Variants in SNX7 observed in about 807,000 individuals in gnomAD.
SNX7 encodes the protein sorting nexin 7, also known as sorting nexin-7.
SNX7 carries 35 observed loss-of-function variants against 48.4 expected under a neutral mutation model. The ratio of observed to expected loss-of-function variants is 0.72; its 90% CI spans 0.55 to 0.96. SNX7 has a LOEUF of 0.96. Ranked by LOEUF, SNX7 falls within the 40% of genes least tolerant of loss-of-function variation. SNX7 has a pLI of 0.00. For missense variants in SNX7, 553 were observed against 548.9 expected (o/e 1.01, Z -0.07); for synonymous variants, 190 against 190.2 (o/e 1.00, Z 0.01).
At chr1:98,714,367 G>C (rs1177971573) in intron 7 of SNX7, among the ~76,000 whole-genome samples, 1 of 152,098 alleles carries the variant, frequency 6.6e-6, no homozygotes, top group Non-Finnish European at 1.5e-5. Context: ...GGAAAATTGA[G>C]TCCTAGAGAG....
chr1:98,716,915 G>C (rs771053153), intron 7 of SNX7, among the ~76,000 whole-genome samples: 1 of 151,174 alleles, frequency 6.6e-6, no homozygotes, highest in Non-Finnish European at 1.5e-5. Context: ...AATACATAGG[G>C]AGATGAGAAA....
chr1:98,691,044 A>C, intron 2 of SNX7, 31 bp from the exon 3 acceptor site: 3 of 1,436,962 alleles, frequency 2.1e-6, no homozygotes, highest in Non-Finnish European at 9.7e-7. Context: ...CTTATATTGC[A>C]TGTGCTGTTA....
intron 8 of SNX7, among the ~76,000 whole-genome samples, chr1:98,748,034 T>C (rs894770600): frequency 6.7e-6 from 1 of 149,920 alleles, no homozygotes; most frequent in Non-Finnish European, 1.5e-5. Context: ...TGGAGTGCAG[T>C]GCTCCAATCT....
chr1:98,662,085 CG>C (rs1024515165), intron 1 of SNX7, 174 bp downstream of exon 1: 29 of 610,752 alleles, frequency 4.7e-5, no homozygotes, highest in African/African-American at 1.5e-4. Context: ...TGGCCGCACC[CG>C]GGGCCGCGTC....
chr1:98,756,888 A>G (rs1481752002), intron 8 of SNX7, among the ~76,000 whole-genome samples: 1 of 152,050 alleles, frequency 6.6e-6, no homozygotes, highest in Non-Finnish European at 1.5e-5. Flanking sequence ...TCATGTTGAA[A>G]TGTCATCCGC....
At chr1:98,700,494 T>C (rs1651689129) in intron 6 of SNX7, among the ~76,000 whole-genome samples, 1 of 152,116 alleles carries the variant, frequency 6.6e-6, no homozygotes, top group Non-Finnish European at 1.5e-5. Context: ...GAGATATCAG[T>C]TGAATTTTCT....
chr1:98,690,789 T>C (rs1273903757), intron 2 of SNX7, among the ~76,000 whole-genome samples: 1 of 152,106 alleles, frequency 6.6e-6, no homozygotes, highest in Non-Finnish European at 1.5e-5. Flanking sequence ...AGTTAAAATC[T>C]TGTGGAAGGC....
At chr1:98,703,241 C>T (rs931279429) in intron 7 of SNX7, among the ~76,000 whole-genome samples, 1 of 152,064 alleles carries the variant, frequency 6.6e-6, no homozygotes, top group African/African-American at 2.4e-5. Flanking sequence ...ATATTGAAGG[C>T]TTGAAGCATG....
At position 98,661,740 on chromosome 1, in the gene SNX7, C is replaced by A; in HGVS notation, c.9C>A (p.Gly3=). 2.4e-6 allele frequency: 3 copies of A among 1,229,860 alleles called. No individual in the cohort carries two copies. The highest frequency in any genetic ancestry group is 3.1e-6 in the Non-Finnish European group (3 of 982,236). The allele number at this position is 1,229,860 out of a possible 1,614,324, so 76.2% of individuals were successfully genotyped here. A position where few individuals can be genotyped will look rare whatever the true frequency, so the allele number is the denominator to read the frequency against. Reference sequence around the variant, plus strand: ...GGGCGCGCACTCTCGGGATGGAGGGCGAGCGCCGGGCATCGCAGGCGCCCT... The same window carrying A: ...GGGCGCGCACTCTCGGGATGGAGGGAGAGCGCCGGGCATCGCAGGCGCCCT... ME[G]ERRASQAPSS... is the part of the protein sequence containing the mutation. Residue 3 remains glycine (G), a synonymous_variant, in exon 1 of 9, where the codon GGC becomes GGA. Transcript: ENST00000306121.
intron 8 of SNX7, among the ~76,000 whole-genome samples, chr1:98,752,081 A>G (rs917847639): frequency 1.3e-5 from 2 of 152,138 alleles, no homozygotes; most frequent in African/African-American, 4.8e-5. Context: ...AAATAGAAAC[A>G]TGTTTTAAAA....
rs1189880730 is a variant in SNX7 at position 98,676,119 on chromosome 1, C to T, written c.181-8766C>T. On this transcript the variant is annotated intron_variant, in intron 1 of 8. Transcript: ENST00000306121. ...TTAATAGCTGCTAAATTCCCTCTCT[C>T]CCTCCCTGCCCATCCCCCCAGTCAT... Among the ~76,000 whole-genome samples, 5 of 151,934 alleles carry T rather than the reference C, an allele frequency of 3.3e-5. No homozygotes were observed. In the East Asian group the frequency reaches 9.6e-4, roughly 29 times the overall value.
intron 8 of SNX7, among the ~76,000 whole-genome samples, chr1:98,755,223 G>A (rs539280570): frequency 1.3e-5 from 2 of 152,168 alleles, no homozygotes; most frequent in African/African-American, 4.8e-5. Flanking sequence ...GGCCCAGAAT[G>A]TGATCCATAT....
Position 98,760,053 on chromosome 1 carries a change from G to T in SNX7, c.1279-1G>T. On this transcript the variant is annotated splice_acceptor_variant, in intron 8 of 8. Transcript: ENST00000306121. LOFTEE classifies it high-confidence loss of function. ...CCTCATGGTGTGTTTCCATTATTCA[G>T]TGCCTTGCTACGTGGGAGTCATTCC... 2.5e-6 allele frequency: 4 copies of T among 1,588,582 alleles called. No individual in the cohort carries two copies. The highest frequency in any genetic ancestry group is 2.6e-6 in the Non-Finnish European group (3 of 1,157,094).
At chr1:98,676,907 C>T (rs1298656122) in intron 1 of SNX7, among the ~76,000 whole-genome samples, 1 of 152,068 alleles carries the variant, frequency 6.6e-6, no homozygotes, top group African/African-American at 2.4e-5. Flanking sequence ...CCATTTTTGG[C>T]CTCCTTTATG....
intron 1 of SNX7, among the ~76,000 whole-genome samples, chr1:98,667,778 C>G (rs142297179): frequency 6.6e-6 from 1 of 152,054 alleles, no homozygotes; most frequent in African/African-American, 2.4e-5. Flanking sequence ...AATGTCAATG[C>G]GTCAGATTTT....
At chr1:98,702,231 A>T (rs1001213743) in intron 7 of SNX7, among the ~76,000 whole-genome samples, 12 of 152,272 alleles carry the variant, frequency 7.9e-5, no homozygotes, top group South Asian at 6.2e-4. Flanking sequence ...GTACTCAGTA[A>T]GTAAATCTAC....
intron 1 of SNX7, among the ~76,000 whole-genome samples, chr1:98,666,848 A>T (rs1464641886): frequency 6.6e-6 from 1 of 152,174 alleles, no homozygotes; most frequent in African/African-American, 2.4e-5. Flanking sequence ...CATGTAAGAA[A>T]TGCAACCTAA....
chr1:98,727,071 A>T (rs961114133), intron 7 of SNX7, among the ~76,000 whole-genome samples: 1 of 152,152 alleles, frequency 6.6e-6, no homozygotes, highest in Non-Finnish European at 1.5e-5. Context: ...TTAGCTGGGC[A>T]TGGTGGCGGG....
At chr1:98,744,955 T>C (rs1416449761) in intron 8 of SNX7, among the ~76,000 whole-genome samples, 2 of 152,016 alleles carry the variant, frequency 1.3e-5, no homozygotes, top group Non-Finnish European at 1.5e-5. Flanking sequence ...CTTTCCTAGG[T>C]GAATCCTAAA....
Sources: allele counts gnomAD v4.1 joint callset (sites outside exome capture counted in the v4.1 genomes callset), GRCh38; gene constraint gnomAD v4.1.1; transcripts MANE v1.5; gene names NCBI Gene and HGNC (gene_info 2026-07-23, HGNC 2026-07-21).